The following RANBP17 variants were observed in gnomAD, a reference collection of about 807,000 sequenced individuals.
RANBP17 encodes ran-binding protein 17.
Under a neutral mutation model 141.2 loss-of-function variants are expected in RANBP17, and 158 were observed. The observed-to-expected ratio is 1.12, with a 90% CI of 0.98 to 1.28. The LOEUF is 1.28. Among genes scored for constraint, RANBP17 ranks in the 50% most tolerant of loss-of-function variants. RANBP17 has a pLI of 0.00. For synonymous variants in RANBP17, 430 were observed against 450.0 expected (o/e 0.96, Z 0.56); for missense variants, 1,438 against 1,290.7 (o/e 1.11, Z -1.75).
chr5:171,202,666 C>A (rs1243765414), intron 19 of RANBP17, among the ~76,000 whole-genome samples: 1 of 152,132 alleles, frequency 6.6e-6, no homozygotes, highest in Admixed American at 6.5e-5. Flanking sequence ...CAGATGAAAA[C>A]ACTCCAGTTG....
At chr5:170,937,026 A>C (rs1773937031) in intron 12 of RANBP17, among the ~76,000 whole-genome samples, 1 of 152,160 alleles carries the variant, frequency 6.6e-6, no homozygotes, top group South Asian at 2.1e-4. Flanking sequence ...CTGTGTCTTT[A>C]TATTTAAAGT....
intron 20 of RANBP17, chr5:171,205,935 A>C (rs1353771607): frequency 2.5e-6 from 1 of 400,192 alleles, no homozygotes; most frequent in Middle Eastern, 7.4e-4. Flanking sequence ...CTACCATTTG[A>C]CATTTTTGAG....
At chr5:170,928,921 C>T (rs1007679173) in intron 12 of RANBP17, among the ~76,000 whole-genome samples, 10 of 151,982 alleles carry the variant, frequency 6.6e-5, no homozygotes, top group African/African-American at 2.4e-4. Flanking sequence ...AGGTTAACAA[C>T]ATTGAGGCCT....
chr5:171,164,186 T>C lies in RANBP17; in HGVS notation c.1711-5944T>C, dbSNP rs373866959. Among the ~76,000 whole-genome samples the C allele has an allele frequency of 2.2e-4, 34 of 152,292 alleles. No homozygotes were observed. The East Asian group carries it at 6.6e-3, about 29-fold the overall frequency. The stretch of plus-strand genomic sequence containing the variant: ...TGTCATTATATATCCATACAATCTT[T>C]AGGAACTAATATTCTGGGTTTCCCA... On this transcript the variant is annotated intron_variant, in intron 14 of 27. Transcript: ENST00000523189.
chr5:170,988,037 A>G lies in RANBP17; in HGVS notation c.1710+19660A>G, dbSNP rs1368517292. On this transcript the variant is annotated intron_variant, in intron 14 of 27. Coordinates refer to ENST00000523189, the MANE Select transcript of RANBP17 (RefSeq NM_022897.5). ...AAACACTTACTCTCTCCCTTGTGCT[A>G]TGCTAGATCCTGGAAGAATTCAAAG... 3.3e-5 allele frequency among the ~76,000 whole-genome samples: 5 copies of G among 151,662 alleles called. No homozygotes were observed. In the Admixed American group the frequency reaches 3.3e-4, roughly 10 times the overall value.
At chr5:171,039,245 GTTTT>G (rs57258448) in intron 14 of RANBP17, among the ~76,000 whole-genome samples, 120 of 125,408 alleles carry the variant, frequency 9.6e-4, no homozygotes, top group South Asian at 4.0e-3. Context: ...TCTGTTGTTG[GTTTT>G]TTTTTTTTTT....
chr5:170,968,972 T>C (rs1011478201), intron 14 of RANBP17, among the ~76,000 whole-genome samples: 1 of 151,882 alleles, frequency 6.6e-6, no homozygotes, highest in Non-Finnish European at 1.5e-5. Context: ...CATTAGATAC[T>C]GACACTGAGT....
At chr5:170,913,584 A>G (rs982191607) in intron 7 of RANBP17, among the ~76,000 whole-genome samples, 2 of 152,128 alleles carry the variant, frequency 1.3e-5, no homozygotes, top group Admixed American at 1.3e-4. Context: ...TGATTTAATC[A>G]CAAATTGTGA....
At chr5:171,249,299 A>G (rs867319532) in intron 24 of RANBP17, among the ~76,000 whole-genome samples, 49 of 152,360 alleles carry the variant, frequency 3.2e-4, no homozygotes, top group African/African-American at 1.2e-3. Flanking sequence ...ATGAAAGTAA[A>G]TTCAAAAACA....
chr5:171,035,574 T>C (rs1781820441), intron 14 of RANBP17, among the ~76,000 whole-genome samples: 1 of 150,394 alleles, frequency 6.6e-6, no homozygotes, highest in African/African-American at 2.4e-5. Context: ...TTTTTTTTAA[T>C]GATACAGGCT....
chr5:171,135,259 A>G lies in RANBP17; in HGVS notation c.1711-34871A>G, dbSNP rs1757193510. ...CAAGCCACTGCACTCCAGCCTGGGCAACAGAGTGAGACTCCATCTCAAAAA... is the reference window on the plus strand; with the variant it reads ...CAAGCCACTGCACTCCAGCCTGGGCGACAGAGTGAGACTCCATCTCAAAAA... On this transcript the variant is annotated intron_variant, in intron 14 of 27. Transcript: ENST00000523189. Among the ~76,000 whole-genome samples, 6 of 150,920 alleles carry G rather than the reference A, an allele frequency of 4.0e-5. No homozygotes were observed. The South Asian group carries it at 1.3e-3, about 32-fold the overall frequency.
chr5:171,024,990 C>G (rs1278453516), intron 14 of RANBP17, among the ~76,000 whole-genome samples: 1 of 152,130 alleles, frequency 6.6e-6, no homozygotes, highest in Non-Finnish European at 1.5e-5. Flanking sequence ...TCTGAAAAAG[C>G]TGCTTTACCT....
intron 12 of RANBP17, among the ~76,000 whole-genome samples, chr5:170,938,412 A>G (rs1489784978): frequency 6.6e-6 from 1 of 152,232 alleles, no homozygotes; most frequent in Non-Finnish European, 1.5e-5. Flanking sequence ...CAAAAACAAT[A>G]AAAGCCAGCA....
rs867313971 is a variant in RANBP17, at chr5:171,253,558, A to T, written c.2776+10738A>T. Among the ~76,000 whole-genome samples, 3 of 152,360 alleles carry T rather than the reference A, an allele frequency of 2.0e-5. No homozygotes were observed. In the South Asian group the frequency reaches 6.2e-4, roughly 32 times the overall value. ...TTTTGGTTCTCTGAAGAAGCTTATA[A>T]TAATACATGTAGGGAGCAATTGGTC... On this transcript the variant is annotated intron_variant, in intron 24 of 27. Transcript: ENST00000523189.
chr5:171,193,693 C>T (rs1287760922), intron 18 of RANBP17, among the ~76,000 whole-genome samples: 1 of 152,150 alleles, frequency 6.6e-6, no homozygotes, highest in East Asian at 1.9e-4. Flanking sequence ...CTCATGGCCT[C>T]CCTTTCTCCA....
chr5:170,922,638 G>C (rs1772564330), intron 11 of RANBP17, among the ~76,000 whole-genome samples: 1 of 152,238 alleles, frequency 6.6e-6, no homozygotes, highest in African/African-American at 2.4e-5. Flanking sequence ...GCACAGGAGG[G>C]TATCTCCTGG....
intron 14 of RANBP17, among the ~76,000 whole-genome samples, chr5:171,123,853 A>G (rs1221744860): frequency 1.3e-5 from 2 of 152,216 alleles, no homozygotes; most frequent in Non-Finnish European, 2.9e-5. Context: ...AAGCCAAAGC[A>G]CTCTACTTAA....
chr5:171,251,870 C>T (rs1765588968), intron 24 of RANBP17: 1 of 1,454,246 alleles, frequency 6.9e-7, no homozygotes, highest in East Asian at 2.3e-5. Flanking sequence ...AGTGCCAATG[C>T]TTCGGCATTA....
intron 14 of RANBP17, chr5:170,983,364 A>G (rs2127553839): frequency 4.2e-6 from 1 of 235,802 alleles, no homozygotes; most frequent in East Asian, 6.2e-5. Flanking sequence ...AGGGTCAACT[A>G]GTAATAAATA....
Sources: gnomAD v4.1 joint callset for allele counts (sites outside exome capture counted in the v4.1 genomes callset) on GRCh38, gnomAD v4.1.1 for gene constraint, MANE v1.5 for transcripts, NCBI Gene and HGNC (gene_info 2026-07-23, HGNC 2026-07-21) for gene names.